The following SLC41A2 variants were observed in gnomAD, a reference collection of about 807,000 sequenced individuals.
SLC41A2 encodes the protein SLC41A1-like 1.
In SLC41A2, 32 loss-of-function variants were observed where a neutral mutation model predicts 58.3. The ratio of observed to expected loss-of-function variants is 0.55; its 90% CI spans 0.41 to 0.74. The LOEUF (loss-of-function observed/expected upper bound fraction) is 0.74. Among genes scored for constraint, SLC41A2 ranks in the 30% least tolerant of loss-of-function variants. The pLI is 0.00. For missense variants in SLC41A2, 514 were observed against 680.6 expected (o/e 0.76, Z 2.72); for synonymous variants, 190 against 235.0 (o/e 0.81, Z 1.75).
intron 10 of SLC41A2, among the ~76,000 whole-genome samples, chr12:104,810,031 TAGG>T (rs1366857110): frequency 1.3e-5 from 2 of 152,144 alleles, no homozygotes; most frequent in Admixed American, 1.3e-4. Context: ...CAGTGTCATA[TAGG>T]AGATTCCTAT....
At chr12:104,815,117 G>A (rs1293535144) in intron 10 of SLC41A2, among the ~76,000 whole-genome samples, 1 of 152,136 alleles carries the variant, frequency 6.6e-6, no homozygotes, top group East Asian at 1.9e-4. Context: ...GTTCAAGCGG[G>A]TTTAAATTTA....
At chr12:104,890,565 A>G (rs2044902982) in intron 4 of SLC41A2, among the ~76,000 whole-genome samples, 1 of 152,216 alleles carries the variant, frequency 6.6e-6, no homozygotes, top group African/African-American at 2.4e-5. Context: ...AAATAAAAGC[A>G]CACAGCTGAG....
chr12:104,802,795 A>C lies in SLC41A2; in HGVS notation c.*2357T>G, dbSNP rs916065401. 6.6e-6 allele frequency: 1 copy of C among 152,126 alleles called. No individual in the cohort carries two copies. The highest frequency in any genetic ancestry group is 1.5e-5 in the Non-Finnish European group (1 of 68,004). The allele number at this position is 152,126 out of a possible 1,614,324, so 9.4% of individuals were successfully genotyped here. On this transcript the variant is annotated 3_prime_UTR_variant, in exon 11 of 11. Coordinates refer to ENST00000258538, the MANE Select transcript of SLC41A2 (RefSeq NM_001352171.3). Reference sequence around the variant, plus strand: ...ATAAAATGTAGTAATACTCTATTGTACTTTTAAAAATCCTATTTTTGCAGT... The same window carrying C: ...ATAAAATGTAGTAATACTCTATTGTCCTTTTAAAAATCCTATTTTTGCAGT...
At chr12:104,916,552 C>A (rs1253181413) in intron 2 of SLC41A2, among the ~76,000 whole-genome samples, 1 of 152,152 alleles carries the variant, frequency 6.6e-6, no homozygotes, top group Non-Finnish European at 1.5e-5. Context: ...TTGGAGGCAT[C>A]ACGCTACCTG....
intron 3 of SLC41A2, among the ~76,000 whole-genome samples, chr12:104,906,617 T>G (rs1176460130): frequency 6.6e-6 from 1 of 152,146 alleles, no homozygotes; most frequent in Non-Finnish European, 1.5e-5. Flanking sequence ...AGAGAAAATA[T>G]TTAAGTGTGT....
At chr12:104,863,031 G>A (rs537113906) in intron 7 of SLC41A2, among the ~76,000 whole-genome samples, 26 of 152,118 alleles carry the variant, frequency 1.7e-4, no homozygotes, top group African/African-American at 5.3e-4. Context: ...CAACATCTCC[G>A]CAACCCAGCT....
Position 104,916,803 on chromosome 12 carries a change from C to T in SLC41A2, c.556-7041G>A, listed in dbSNP as rs1344994745. 2.6e-5 allele frequency among the ~76,000 whole-genome samples: 4 copies of T among 152,270 alleles called. No homozygotes were observed. The South Asian group carries it at 6.2e-4, about 24-fold the overall frequency. On this transcript the variant is annotated intron_variant, in intron 2 of 10. Transcript: ENST00000258538. ...AAGCTAAAACTGGATCCCTTCCTTA[C>T]ACCTTATACAAAAATTAATTCAAGA...
chr12:104,928,823 T>C (rs1035798792), intron 1 of SLC41A2, 129 bp from the exon 2 acceptor site: 35 of 211,546 alleles, frequency 1.7e-4, no homozygotes, highest in Non-Finnish European at 2.8e-4. Context: ...ACTGATACTA[T>C]ACTTTGTGGG....
chr12:104,914,462 C>T (rs1198398221), intron 2 of SLC41A2, among the ~76,000 whole-genome samples: 3 of 152,180 alleles, frequency 2.0e-5, no homozygotes, highest in African/African-American at 7.2e-5. Flanking sequence ...CACAGCACTA[C>T]TGAAAACCCA....
intron 2 of SLC41A2, among the ~76,000 whole-genome samples, chr12:104,916,924 C>T (rs1047403656): frequency 6.6e-6 from 1 of 151,532 alleles, no homozygotes; most frequent in African/African-American, 2.4e-5. Flanking sequence ...GCAAGGACTT[C>T]ATGTCTAAAA....
chr12:104,930,305 A>C (rs1486746060), intron 1 of SLC41A2, among the ~76,000 whole-genome samples: 1 of 152,192 alleles, frequency 6.6e-6, no homozygotes, highest in Non-Finnish European at 1.5e-5. Context: ...AATGAAACCA[A>C]TGGCCAGAGT....
intron 2 of SLC41A2, among the ~76,000 whole-genome samples, chr12:104,921,596 T>C (rs1048562342): frequency 3.3e-5 from 5 of 151,026 alleles, no homozygotes; most frequent in African/African-American, 9.7e-5. Flanking sequence ...TCTAGTTTTG[T>C]CTTATAAGAA....
At chr12:104,844,671 T>C in intron 9 of SLC41A2, 51 bp from the exon 10 acceptor site, 1 of 1,012,152 alleles carries the variant, frequency 9.9e-7, no homozygotes, top group South Asian at 2.7e-5. Context: ...TTTTGGTTAA[T>C]AATAGGTCAT....
At chr12:104,840,635 G>A (rs1460638519) in intron 10 of SLC41A2, among the ~76,000 whole-genome samples, 5 of 152,192 alleles carry the variant, frequency 3.3e-5, no homozygotes, top group Non-Finnish European at 5.9e-5. Context: ...TTGGGGACTG[G>A]GCAAGAACAT....
chr12:104,812,610 A>G lies in SLC41A2; in HGVS notation c.1537-7273T>C, dbSNP rs568540428. Among the ~76,000 whole-genome samples the G allele has an allele frequency of 2.0e-5, 3 of 152,286 alleles. No homozygotes were observed. In the East Asian group the frequency reaches 5.8e-4, roughly 29 times the overall value. The stretch of plus-strand genomic sequence containing the variant: ...TGGAACTATCTAGAAAATGTGTTGA[A>G]GCAAAATGAGGGCTTGAACCGAGAG... On this transcript the variant is annotated intron_variant, in intron 10 of 10. Transcript: ENST00000258538.
chr12:104,837,333 A>T (rs1274651166), intron 10 of SLC41A2, among the ~76,000 whole-genome samples: 1 of 152,160 alleles, frequency 6.6e-6, no homozygotes, highest in Non-Finnish European at 1.5e-5. Context: ...TTCTTATCCC[A>T]GAGGGACTTT....
At chr12:104,843,697 C>T (rs1191312223) in intron 10 of SLC41A2, among the ~76,000 whole-genome samples, 1 of 151,938 alleles carries the variant, frequency 6.6e-6, no homozygotes, top group East Asian at 1.9e-4. Flanking sequence ...TAGAAGAAAA[C>T]AGATATTTTA....
chr12:104,907,256 A>G (rs1309195706), intron 3 of SLC41A2, among the ~76,000 whole-genome samples: 2 of 150,570 alleles, frequency 1.3e-5, no homozygotes, highest in Non-Finnish European at 2.9e-5. Flanking sequence ...CTGGCACCAC[A>G]AGATATTCGA....
At chr12:104,912,984 A>G (rs2046151495) in intron 2 of SLC41A2, among the ~76,000 whole-genome samples, 3 of 152,196 alleles carry the variant, frequency 2.0e-5, no homozygotes, top group Non-Finnish European at 2.9e-5. Flanking sequence ...ATCACATGCC[A>G]TCATGCTTTA....
Sources: gnomAD v4.1 joint callset for allele counts (sites outside exome capture counted in the v4.1 genomes callset) on GRCh38, gnomAD v4.1.1 for gene constraint, MANE v1.5 for transcripts, NCBI Gene and HGNC (gene_info 2026-07-23, HGNC 2026-07-21) for gene names.